Variants in HJV observed in about 807,000 individuals in gnomAD.
HJV encodes the protein hemojuvelin.
HJV carries 18 observed loss-of-function variants against 22.7 expected under a neutral mutation model. The observed-to-expected ratio is 0.79, with a 90% CI of 0.55 to 1.18. HJV has a LOEUF of 1.18. Ranked by LOEUF, HJV falls within the 50% of genes most tolerant of loss-of-function variation. HJV has a pLI of 0.00. For missense variants in HJV, 572 were observed against 553.0 expected (o/e 1.03, Z -0.34); for synonymous variants, 229 against 222.7 (o/e 1.03, Z -0.25).
In HJV at chr1:146,018,516, A is replaced by G. The variant is rs74315326; in HGVS notation, c.842T>C (p.Ile281Thr). The change falls in exon 4 of 4, where the codon ATT becomes ACT. Residue 281 changes from isoleucine (I) to threonine (T), a missense_variant. Coordinates refer to ENST00000336751, the MANE Select transcript of HJV (RefSeq NM_213653.4). ...GNHVEIQAAY[I>T]GTTIIIRQTA... is the part of the protein sequence containing the mutation. ...CTGCCGAATGATTATAGTTGTGCCAATGTAGGCAGCTTGGATCTCCACATG... is the reference window on the plus strand; with the variant it reads ...CTGCCGAATGATTATAGTTGTGCCAGTGTAGGCAGCTTGGATCTCCACATG... 1.2e-5 allele frequency: 20 copies of G among 1,614,074 alleles called. No homozygotes were observed. Among genetic ancestry groups the G allele is most frequent in the Admixed American group, 3.3e-5 (2 of 60,004 alleles).
Position 146,018,087 on chromosome 1 carries a change from C to G in HJV, c.1271G>C (p.Cys424Ser). The G allele has an allele frequency of 6.2e-7, 1 of 1,613,988 alleles. No individual in the cohort carries two copies. The highest frequency in any genetic ancestry group is 1.6e-4 in the Middle Eastern group (1 of 6,062). ...LLSGLFVLWL[C>S]IQ is the part of the protein sequence containing the mutation. ...GGACTGATGGTCCCCTTACTGAATGCAAAGCCACAGAACAAAGAGCCCAGA... is the reference window on the plus strand; with the variant it reads ...GGACTGATGGTCCCCTTACTGAATGGAAAGCCACAGAACAAAGAGCCCAGA... Residue 424 changes from cysteine (C) to serine (S), a missense_variant, in exon 4 of 4, where the codon TGC becomes TCC. Physicochemically the swap from Cys to Ser is moderately radical, Grantham distance 112. Coordinates refer to ENST00000336751, the MANE Select transcript of HJV (RefSeq NM_213653.4).
intron 1 of HJV, among the ~76,000 whole-genome samples, chr1:146,020,630 A>T (rs1553770015): frequency 6.6e-6 from 1 of 152,146 alleles, no homozygotes; most frequent in Non-Finnish European, 1.5e-5. Flanking sequence ...TGGAGGAATC[A>T]TGGGGCTAGA....
intron 2 of HJV, 109 bp downstream of exon 2, chr1:146,020,026 C>G: frequency 1.1e-6 from 1 of 873,220 alleles, no homozygotes; most frequent in South Asian, 1.4e-5. Flanking sequence ...GGCGAGTGAT[C>G]GGGACTCTCA....
At position 146,018,016 on chromosome 1, in the gene HJV, C is replaced by T; in HGVS notation, c.*61G>A. The T allele has an allele frequency of 6.4e-7, 1 of 1,571,364 alleles. No homozygotes were observed. The highest frequency in any genetic ancestry group is 2.2e-5 in the East Asian group (1 of 44,666). On this transcript the variant is annotated 3_prime_UTR_variant, in exon 4 of 4. Coordinates refer to ENST00000336751, the MANE Select transcript of HJV (RefSeq NM_213653.4). ...GCTTCCTTTAATGATTCTTTACATT[C>T]TTCTATGCCAATCTGTATCTCCAAA...
At chr1:146,018,788 C>T in intron 3 of HJV, 88 bp from the exon 4 acceptor site, 1 of 1,375,478 alleles carries the variant, frequency 7.3e-7, no homozygotes, top group Admixed American at 1.7e-5. Flanking sequence ...AGATCTGATC[C>T]AAGTAGAGAT....
At chr1:146,018,734 G>T in intron 3 of HJV, 34 bp from the exon 4 acceptor site, 3 of 1,612,370 alleles carry the variant, frequency 1.9e-6, no homozygotes, top group African/African-American at 1.3e-5. Flanking sequence ...GTTCATTTTG[G>T]GTTCAGTGCA....
rs190955501 is a variant in HJV, at chr1:146,018,038, C to T, written c.*39G>A. Reference sequence around the variant, plus strand: ...ATTCTTCTATGCCAATCTGTATCTCCAAATCATTTCCAAACTAGTAATGGG... The same window carrying T: ...ATTCTTCTATGCCAATCTGTATCTCTAAATCATTTCCAAACTAGTAATGGG... On this transcript the variant is annotated 3_prime_UTR_variant, in exon 4 of 4. Coordinates refer to ENST00000336751, the MANE Select transcript of HJV (RefSeq NM_213653.4). 144 of 1,608,210 alleles carry T rather than the reference C, an allele frequency of 9.0e-5. 1 individual carries two copies. In the African/African-American group the frequency reaches 1.6e-3, roughly 18 times the overall value.
chr1:146,017,956 G>T lies in HJV; in HGVS notation c.*121C>A. 1 of 1,121,500 alleles carries T rather than the reference G, an allele frequency of 8.9e-7. No individual in the cohort carries two copies. Among genetic ancestry groups the T allele is most frequent in the Non-Finnish European group, 1.3e-6 (1 of 753,416 alleles). The allele number at this position is 1,121,500 out of a possible 1,614,324, so 69.5% of individuals were successfully genotyped here. On this transcript the variant is annotated 3_prime_UTR_variant, in exon 4 of 4. Coordinates refer to ENST00000336751, the MANE Select transcript of HJV (RefSeq NM_213653.4). ...TGGACTGCAGCCTCATCTGACTCTG[G>T]ATAATGTCATTGTTTCACGTGTCTC...
At chr1:146,020,016 G>A (rs1248138787) in intron 2 of HJV, 119 bp downstream of exon 2, 3 of 851,642 alleles carry the variant, frequency 3.5e-6, no homozygotes, top group African/African-American at 1.7e-5. Context: ...TTGAGAGCAG[G>A]GCGAGTGATC....
chr1:146,020,931 C>T (rs1652696563), intron 1 of HJV, among the ~76,000 whole-genome samples: 1 of 152,180 alleles, frequency 6.6e-6, no homozygotes, highest in Admixed American at 6.5e-5. Flanking sequence ...ACCAAACATG[C>T]AAATCAATAT....
At position 146,017,498 on chromosome 1, in the gene HJV, C is replaced by A; in HGVS notation, c.*579G>T. The stretch of plus-strand genomic sequence containing the variant: ...TGTGAAGAATTTGTAGCTTTAATAA[C>A]AGATTAGTTAGGGGGTAGGGATGAT... On this transcript the variant is annotated 3_prime_UTR_variant, in exon 4 of 4. Coordinates refer to ENST00000336751, the MANE Select transcript of HJV (RefSeq NM_213653.4). 1 of 171,268 alleles carries A rather than the reference C, an allele frequency of 5.8e-6. No individual in the cohort carries two copies. The highest frequency in any genetic ancestry group is 1.4e-5 in the Non-Finnish European group (1 of 70,558). 10.6% of individuals were successfully genotyped at this position (171,268 alleles called of 1,614,324 possible).
Position 146,019,027 on chromosome 1 carries a change from T to C in HJV, c.657+148A>G, listed in dbSNP as rs964349278. ...GAAGTGATTTACAGCTCCAGGTGTTTGGTAGAAGGGAGTGATTCGAGATGG... is the reference window on the plus strand; with the variant it reads ...GAAGTGATTTACAGCTCCAGGTGTTCGGTAGAAGGGAGTGATTCGAGATGG... On this transcript the variant is annotated intron_variant, in intron 3 of 3. Coordinates refer to ENST00000336751, the MANE Select transcript of HJV (RefSeq NM_213653.4). The C allele has an allele frequency of 1.0e-4, 82 of 812,184 alleles. 2 individuals carry two copies. In the South Asian group the frequency reaches 1.1e-3, roughly 11 times the overall value. The allele number at this position is 812,184 out of a possible 1,614,324, so 50.3% of individuals were successfully genotyped here.
chr1:146,018,967 G>T lies in HJV; in HGVS notation c.657+208C>A, dbSNP rs1350331286. Among the ~76,000 whole-genome samples, 7 of 152,184 alleles carry T rather than the reference G, an allele frequency of 4.6e-5. No homozygotes were observed. In the East Asian group the frequency reaches 1.2e-3, roughly 25 times the overall value. On this transcript the variant is annotated intron_variant, in intron 3 of 3. Coordinates refer to ENST00000336751, the MANE Select transcript of HJV (RefSeq NM_213653.4). ...CCGCCCTCTCCGACTGTCTCTTCAAGGTTTTCTGCATTTGAGTCAAATTCC... is the reference window on the plus strand; with the variant it reads ...CCGCCCTCTCCGACTGTCTCTTCAATGTTTTCTGCATTTGAGTCAAATTCC...
chr1:146,017,879 C>T lies in HJV; in HGVS notation c.*198G>A, dbSNP rs1043271845. The T allele has an allele frequency of 2.3e-4, 144 of 636,914 alleles. No homozygotes were observed. Among genetic ancestry groups the T allele is most frequent in the Admixed American group, 6.3e-4 (21 of 33,548 alleles). The allele number at this position is 636,914 out of a possible 1,614,324, so 39.5% of individuals were successfully genotyped here. A position where few individuals can be genotyped will look rare whatever the true frequency, so the allele number is the denominator to read the frequency against. On this transcript the variant is annotated 3_prime_UTR_variant, in exon 4 of 4. Coordinates refer to ENST00000336751, the MANE Select transcript of HJV (RefSeq NM_213653.4). ...AATTGGTGAAGAGCCCCACAGAGAT[C>T]CGGAATGCAGTAACCTTGCCCAGAA...
intron 2 of HJV, 27 bp downstream of exon 2, chr1:146,020,108 C>T (rs1553769880): frequency 1.3e-6 from 2 of 1,524,946 alleles, no homozygotes; most frequent in Non-Finnish European, 9.1e-7. Context: ...CTAGATTTCC[C>T]CAAACCCTTC....
At chr1:146,021,094 G>A (rs1259339489) in intron 1 of HJV, among the ~76,000 whole-genome samples, 1 of 152,146 alleles carries the variant, frequency 6.6e-6, no homozygotes, top group Non-Finnish European at 1.5e-5. Context: ...TATCTTATGG[G>A]TAAGGATATG....
chr1:146,020,406 A>C (rs587684272), intron 1 of HJV, 86 bp from the exon 2 acceptor site: 1 of 610,112 alleles, frequency 1.6e-6, no homozygotes, highest in South Asian at 1.8e-5. Flanking sequence ...GGGGAGATCA[A>C]GAAAAGGATG....
At chr1:146,019,792 T>A (rs1553769816) in intron 2 of HJV, 58 bp from the exon 3 acceptor site, 1 of 1,612,828 alleles carries the variant, frequency 6.2e-7, no homozygotes, top group Non-Finnish European at 8.5e-7. Flanking sequence ...TCTATCGGAG[T>A]GTAGTTTGCT....
rs1341120065 is a variant in HJV, at chr1:146,018,333, G to A, written c.1025C>T (p.Thr342Ile). ...CCCTTCCTTGCACAGCCGTCTGGCA[G>A]TATCAATGGTTATAGCTCCCCGACG... The part of the protein sequence containing the change: ...RNRRGAITID[T>I]ARRLCKEGLP... The change falls in exon 4 of 4, where the codon ACT becomes ATT. Residue 342 changes from threonine (T) to isoleucine (I), a missense_variant. Thr to Ile is a moderately conservative substitution (Grantham distance 89). Coordinates refer to ENST00000336751, the MANE Select transcript of HJV (RefSeq NM_213653.4). 2.5e-6 allele frequency: 4 copies of A among 1,614,090 alleles called. No homozygotes were observed. The highest frequency in any genetic ancestry group is 2.2e-5 in the East Asian group (1 of 44,894).
Sources: gnomAD v4.1 joint callset for allele counts (sites outside exome capture counted in the v4.1 genomes callset) on GRCh38, gnomAD v4.1.1 for gene constraint, MANE v1.5 for transcripts, NCBI Gene and HGNC (gene_info 2026-07-23, HGNC 2026-07-21) for gene names.